DIAPH3: variants seen among roughly 807,000 people sequenced by gnomAD.
DIAPH3 encodes the protein protein diaphanous homolog 3.
Under a neutral mutation model 144.3 loss-of-function variants are expected in DIAPH3, and 117 were observed. That is an observed-to-expected ratio of 0.81 (90% CI 0.70 to 0.95). The LOEUF (loss-of-function observed/expected upper bound fraction) is 0.95, where lower values mean the gene tolerates loss of function less well. DIAPH3 is among the 40% of genes least tolerant of loss of function. The probability of loss-of-function intolerance (pLI) is 0.00; values close to 1 mark genes in which losing one functional copy is unlikely to be tolerated. For missense variants in DIAPH3, 1,421 were observed against 1,412.7 expected (o/e 1.01, Z -0.09); for synonymous variants, 519 against 488.9 (o/e 1.06, Z -0.81).
intron 13 of DIAPH3, among the ~76,000 whole-genome samples, chr13:59,983,210 A>G (rs2140718140): frequency 6.6e-6 from 1 of 150,544 alleles, no homozygotes; most frequent in East Asian, 2.0e-4. Flanking sequence ...AAGTTTAAAA[A>G]AAAAAAAAAA....
chr13:59,890,197 T>C (rs956002452), intron 20 of DIAPH3, among the ~76,000 whole-genome samples: 1 of 152,106 alleles, frequency 6.6e-6, no homozygotes, highest in Non-Finnish European at 1.5e-5. Flanking sequence ...CTGGAGTTCC[T>C]TTCTGCACAA....
chr13:60,131,453 A>C (rs940466951), intron 2 of DIAPH3, among the ~76,000 whole-genome samples: 9 of 150,996 alleles, frequency 6.0e-5, no homozygotes, highest in Non-Finnish European at 1.3e-4. Flanking sequence ...AAAAAAAAAA[A>C]AAAAAAACAA....
At chr13:59,779,333 G>C (rs1158314126) in intron 25 of DIAPH3, among the ~76,000 whole-genome samples, 1 of 152,126 alleles carries the variant, frequency 6.6e-6, no homozygotes, top group Non-Finnish European at 1.5e-5. Flanking sequence ...GGGTTAATGA[G>C]GGAATCAAAT....
intron 9 of DIAPH3, among the ~76,000 whole-genome samples, chr13:59,999,811 C>A (rs930549568): frequency 6.6e-6 from 1 of 152,138 alleles, no homozygotes; most frequent in Non-Finnish European, 1.5e-5. Flanking sequence ...TCCCCCAGCT[C>A]CTCCTCCAGG....
At chr13:59,745,990 C>T (rs1252936868) in intron 27 of DIAPH3, among the ~76,000 whole-genome samples, 1 of 152,092 alleles carries the variant, frequency 6.6e-6, no homozygotes, top group East Asian at 1.9e-4. Flanking sequence ...TTTTTGCACT[C>T]TCAGGGTGTT....
At chr13:59,835,744 T>G (rs1325663653) in intron 23 of DIAPH3, among the ~76,000 whole-genome samples, 1 of 151,794 alleles carries the variant, frequency 6.6e-6, no homozygotes, top group African/African-American at 2.4e-5. Context: ...AACTGGGCCG[T>G]GTATTATACA....
At chr13:60,012,959 G>T (rs939469740) in intron 7 of DIAPH3, 13 of 964,962 alleles carry the variant, frequency 1.3e-5, no homozygotes, top group Non-Finnish European at 2.5e-6. Context: ...ATACAGAATT[G>T]CTACTTGTAT....
intron 22 of DIAPH3, among the ~76,000 whole-genome samples, chr13:59,848,468 C>T (rs1260330215): frequency 2.7e-5 from 4 of 149,466 alleles, no homozygotes; most frequent in African/African-American, 9.8e-5. Context: ...CCTCCCCGCT[C>T]CCCCCACCCC....
At chr13:60,075,311 C>A (rs570364977) in intron 4 of DIAPH3, among the ~76,000 whole-genome samples, 66 of 152,104 alleles carry the variant, frequency 4.3e-4, no homozygotes, top group Non-Finnish European at 7.9e-4. Flanking sequence ...TGTAGGTGTT[C>A]TTTACACATT....
At chr13:60,003,730 C>T (rs1347034941) in intron 9 of DIAPH3, among the ~76,000 whole-genome samples, 4 of 151,856 alleles carry the variant, frequency 2.6e-5, no homozygotes, top group African/African-American at 7.3e-5. Flanking sequence ...CCCACCAACA[C>T]GCAAGGCAAT....
chr13:59,993,859 G>A (rs765192984), intron 9 of DIAPH3, among the ~76,000 whole-genome samples: 1 of 151,704 alleles, frequency 6.6e-6, no homozygotes, highest in Non-Finnish European at 1.5e-5. Context: ...CTTCAGCAAT[G>A]CCATATAATT....
intron 4 of DIAPH3, among the ~76,000 whole-genome samples, chr13:60,066,479 A>G (rs1356107748): frequency 7.2e-5 from 11 of 152,318 alleles, no homozygotes; most frequent in East Asian, 3.9e-4. Flanking sequence ...TTGTTTGCCA[A>G]TCTATGTGAT....
intron 2 of DIAPH3, among the ~76,000 whole-genome samples, chr13:60,120,470 G>A (rs2058817935): frequency 6.6e-6 from 1 of 152,116 alleles, no homozygotes; most frequent in Non-Finnish European, 1.5e-5. Flanking sequence ...AAGTTCTTTA[G>A]CCAGAGGCTT....
intron 27 of DIAPH3, among the ~76,000 whole-genome samples, chr13:59,765,400 T>C (rs1656207936): frequency 6.6e-6 from 1 of 152,212 alleles, no homozygotes; most frequent in Non-Finnish European, 1.5e-5. Flanking sequence ...TTCTAGGCAC[T>C]ACATCACAAA....
intron 25 of DIAPH3, among the ~76,000 whole-genome samples, chr13:59,798,384 T>C (rs2039723307): frequency 6.6e-6 from 1 of 152,208 alleles, no homozygotes; most frequent in African/African-American, 2.4e-5. Context: ...GTTTCTTGAC[T>C]TCCAATTTAG....
rs1320560781 is a variant in DIAPH3 at position 60,136,348 on chromosome 13, T to G, written c.181-3359A>C. ...TGCAAACATCAATCCAGTTCATGAG[T>G]AGCCACCGTGGACATCTACTCCAAA... On this transcript the variant is annotated intron_variant, in intron 1 of 27. Coordinates refer to ENST00000400324, the MANE Select transcript of DIAPH3 (RefSeq NM_001042517.2). Among the ~76,000 whole-genome samples the G allele has an allele frequency of 2.5e-4, 38 of 151,674 alleles. 1 individual carries two copies. The highest frequency in any genetic ancestry group is 2.4e-3 in the Admixed American group (36 of 15,190).
intron 27 of DIAPH3, among the ~76,000 whole-genome samples, chr13:59,726,751 C>T (rs2035619976): frequency 6.6e-6 from 1 of 152,134 alleles, no homozygotes; most frequent in African/African-American, 2.4e-5. Flanking sequence ...GATGGTTTAA[C>T]TGTCCTAACT....
At position 59,960,088 on chromosome 13, in the gene DIAPH3, T is replaced by A. The variant is rs146098656; in HGVS notation, c.2074+9856A>T. On this transcript the variant is annotated intron_variant, in intron 17 of 27. Transcript: ENST00000400324. ...CTGATTTATATACACTAATACAGAA[T>A]GTAAAATTCTAAGGTTTTTTTCCAA... 2.8e-3 allele frequency among the ~76,000 whole-genome samples: 427 copies of A among 152,280 alleles called. 5 individuals are homozygous for A. The highest frequency in any genetic ancestry group is 2.3e-3 in the South Asian group (11 of 4,830).
chr13:60,086,589 G>A (rs1292169368), intron 4 of DIAPH3, among the ~76,000 whole-genome samples: 5 of 97,608 alleles, frequency 5.1e-5, no homozygotes, highest in Non-Finnish European at 1.1e-4. Context: ...ATCCCTAATC[G>A]GAAATAGAAG....
Sources: gnomAD v4.1 joint callset for allele counts (sites outside exome capture counted in the v4.1 genomes callset) on GRCh38, gnomAD v4.1.1 for gene constraint, MANE v1.5 for transcripts, NCBI Gene and HGNC (gene_info 2026-07-23, HGNC 2026-07-21) for gene names.